RASGRP2: variants seen among roughly 807,000 people sequenced by gnomAD.
RASGRP2 encodes RAS guanyl releasing protein 2.
A neutral mutation model predicts 71.0 loss-of-function variants in RASGRP2; 44 were observed. That is an observed-to-expected ratio of 0.62 (90% CI 0.49 to 0.80). The LOEUF is 0.80. RASGRP2 is among the 30% of genes least tolerant of loss of function. RASGRP2 has a pLI of 0.00. For synonymous variants in RASGRP2, 350 were observed against 330.7 expected, an observed-to-expected ratio of 1.06 and a Z score of -0.63; for missense variants, 663 against 813.4, an observed-to-expected ratio of 0.82 and a Z score of 2.25.
At chr11:64,732,780 CAA>C (rs35422929) in intron 12 of RASGRP2, among the ~76,000 whole-genome samples, 1 of 129,398 alleles carries the variant, frequency 7.7e-6, no homozygotes, top group Non-Finnish European at 1.7e-5. Flanking sequence ...GACTCTGTCT[CAA>C]AAAAAAAAAA....
rs748370784 is a variant in RASGRP2, at chr11:64,742,083, G to C, written c.103C>G (p.Leu35Val). Reference protein sequence around the residue: ...DDSGKVRDPQLVRMFLMMHPW... With the variant: ...DDSGKVRDPQVVRMFLMMHPW... ...TGCATCATGAGGAACATGCGCACCA[G>C]CTGCGGGTCCCGCACCTTCCCGGAG... The change falls in exon 3 of 17, where the codon CTG (leucine) becomes GTG (valine). Residue 35 changes from leucine to valine, a missense_variant. By Grantham distance (32) the Leu-to-Val change is conservative. Transcript: ENST00000394432. This position sits in a 1 kb window ranked among gnomAD's most constrained non-coding sequence, Gnocchi z 4.7. The C allele has an allele frequency of 1.9e-6, 3 of 1,606,718 alleles. No homozygotes were observed. The highest frequency in any genetic ancestry group is 2.2e-5 in the South Asian group (2 of 89,856).
chr11:64,741,929 C>T lies in RASGRP2; in HGVS notation c.176+81G>A. 3 of 1,220,446 alleles carry T rather than the reference C, an allele frequency of 2.5e-6. No individual in the cohort carries two copies. In the South Asian group the frequency reaches 3.8e-5, roughly 16 times the overall value. The allele number at this position is 1,220,446 out of a possible 1,614,324, so 75.6% of individuals were successfully genotyped here. ...GAGTGGCCTATACTTAGGAGCGAGG[C>T]TCATTCTGCACCTGGGCTGGGCAGA... On this transcript the variant is annotated intron_variant, in intron 3 of 16. Transcript: ENST00000394432.
Position 64,742,974 on chromosome 11 carries a change from C to G in RASGRP2, c.-71-37G>C, listed in dbSNP as rs1333659467. The G allele has an allele frequency of 1.3e-5, 19 of 1,510,860 alleles. No homozygotes were observed. The highest frequency in any genetic ancestry group is 1.7e-5 in the Non-Finnish European group (19 of 1,134,284). 93.6% of individuals were successfully genotyped at this position (1,510,860 alleles called of 1,614,324 possible). On this transcript the variant is annotated intron_variant, in intron 1 of 16. Coordinates refer to ENST00000394432, the MANE Select transcript of RASGRP2 (RefSeq NM_001098671.2). This position sits in a 1 kb window ranked among gnomAD's most constrained non-coding sequence, Gnocchi z 4.7. ...GAGGCAGAGCGGGAGTCTGCGGAGT[C>G]GCGGGCGGGGGAGCGGCCCCGCGGG...
At chr11:64,738,324 T>C (rs1260884800) in intron 8 of RASGRP2, among the ~76,000 whole-genome samples, 1 of 152,246 alleles carries the variant, frequency 6.6e-6, no homozygotes, top group African/African-American at 2.4e-5. Flanking sequence ...GAGGGAGTTA[T>C]GCTCTAAAGT....
Position 64,742,137 on chromosome 11 carries a change from G to C in RASGRP2, c.74-25C>G. ...TCTGACTCCGAAGGGTCAAAGACAG[G>C]TGGCTGAGCTGGGTCCGCAGCTACC... is the stretch of plus-strand genomic sequence containing the variant. On this transcript the variant is annotated intron_variant, in intron 2 of 16. Coordinates refer to ENST00000394432, the MANE Select transcript of RASGRP2 (RefSeq NM_001098671.2). The surrounding 1 kb of genome is among the most constrained non-coding windows in gnomAD (Gnocchi z 4.7). 6.4e-7 allele frequency: 1 copy of C among 1,551,454 alleles called. No homozygotes were observed. Among genetic ancestry groups the C allele is most frequent in the Non-Finnish European group, 8.7e-7 (1 of 1,143,518 alleles).
chr11:64,736,636 T>C lies in RASGRP2; in HGVS notation c.1095+117A>G. On this transcript the variant is annotated intron_variant, in intron 9 of 16. Coordinates refer to ENST00000394432, the MANE Select transcript of RASGRP2 (RefSeq NM_001098671.2). ...CCACTCCAAACCCCAGAGCCCACGC[T>C]AGATCTCAGTTTCTTGGCCAGAACC... 5 of 1,180,000 alleles carry C rather than the reference T, an allele frequency of 4.2e-6. No homozygotes were observed. The Middle Eastern group carries it at 1.4e-3, about 327-fold the overall frequency. 73.1% of individuals were successfully genotyped at this position (1,180,000 alleles called of 1,614,324 possible). A position where few individuals can be genotyped will look rare whatever the true frequency, so the allele number is the denominator to read the frequency against.
In RASGRP2 at chr11:64,742,855, G is replaced by A; in HGVS notation, c.12C>T (p.Thr4=). 1 of 1,601,366 alleles carries A rather than the reference G, an allele frequency of 6.2e-7. No homozygotes were observed. Among genetic ancestry groups the A allele is most frequent in the Non-Finnish European group, 8.5e-7 (1 of 1,176,282 alleles). The change falls in exon 2 of 17, where the codon ACC becomes ACT. Residue 4 remains threonine (T), a synonymous_variant. Coordinates refer to ENST00000394432, the MANE Select transcript of RASGRP2 (RefSeq NM_001098671.2). The surrounding 1 kb of genome is among the most constrained non-coding windows in gnomAD (Gnocchi z 4.7). The part of the protein sequence containing the change: MAG[T]LDLDKGCTVE... ...CCGTGCAGCCCTTGTCCAGGTCCAG[G>A]GTGCCTGCCATGGCCGCCGGCGCGG... is the stretch of plus-strand genomic sequence containing the variant.
Position 64,743,028 on chromosome 11 carries a change from C to T in RASGRP2, c.-71-91G>A. The T allele has an allele frequency of 7.4e-7, 1 of 1,355,400 alleles. No individual in the cohort carries two copies. Among genetic ancestry groups the T allele is most frequent in the Non-Finnish European group, 1.0e-6 (1 of 987,424 alleles). 84.0% of individuals were successfully genotyped at this position (1,355,400 alleles called of 1,614,324 possible). A position where few individuals can be genotyped will look rare whatever the true frequency, so the allele number is the denominator to read the frequency against. On this transcript the variant is annotated intron_variant, in intron 1 of 16. Transcript: ENST00000394432. The surrounding 1 kb of genome is among the most constrained non-coding windows in gnomAD (Gnocchi z 4.9). Reference sequence around the variant, plus strand: ...AAACGGGGCGGGGCGGGCACGCCCCCTGCTGGACAGGGGCGGAGTTGTCCC... The same window carrying T: ...AAACGGGGCGGGGCGGGCACGCCCCTTGCTGGACAGGGGCGGAGTTGTCCC...
At chr11:64,730,312 T>G in intron 12 of RASGRP2, 118 bp from the exon 13 acceptor site, 2 of 1,341,382 alleles carry the variant, frequency 1.5e-6, no homozygotes. Context: ...GGACTCCTGT[T>G]GCAGAGTAAA....
intron 5 of RASGRP2, chr11:64,740,703 C>T: frequency 3.0e-6 from 2 of 660,502 alleles, no homozygotes; most frequent in South Asian, 1.7e-5. Context: ...AGAGCTCAGC[C>T]GACGGGGAGC....
Position 64,743,158 on chromosome 11 carries a change from G to T in RASGRP2, c.-71-221C>A. On this transcript the variant is annotated intron_variant, in intron 1 of 16. Coordinates refer to ENST00000394432, the MANE Select transcript of RASGRP2 (RefSeq NM_001098671.2). The surrounding 1 kb of genome is among the most constrained non-coding windows in gnomAD (Gnocchi z 4.9). ...TTCCGGCCCACCCTCGGAGTCGCGG[G>T]AAGGCCGAGGGGCTTCACGAGGATG... is the stretch of plus-strand genomic sequence containing the variant. 1 of 624,704 alleles carries T rather than the reference G, an allele frequency of 1.6e-6. No homozygotes were observed. The highest frequency in any genetic ancestry group is 3.0e-6 in the Non-Finnish European group (1 of 336,826). The allele number at this position is 624,704 out of a possible 1,614,324, so 38.7% of individuals were successfully genotyped here.
intron 15 of RASGRP2, among the ~76,000 whole-genome samples, chr11:64,727,824 A>C (rs562820512): frequency 3.9e-5 from 6 of 151,986 alleles, no homozygotes; most frequent in Non-Finnish European, 7.4e-5. Context: ...GCCTCAGCCC[A>C]ATTTTTGAGG....
In RASGRP2 at chr11:64,735,814, G is replaced by A. The variant is rs1016908159; in HGVS notation, c.1173+89C>T. On this transcript the variant is annotated intron_variant, in intron 10 of 16. Transcript: ENST00000394432. This position sits in a 1 kb window ranked among gnomAD's most constrained non-coding sequence, Gnocchi z 4.2. ...CCTCTGTCCTACAAGATGGATGGGT[G>A]AGGTGGCTGCTAAGAGCTCTTCCCA... 6.7e-7 allele frequency: 1 copy of A among 1,484,318 alleles called. No individual in the cohort carries two copies. The highest frequency in any genetic ancestry group is 9.2e-7 in the Non-Finnish European group (1 of 1,081,096). The allele number at this position is 1,484,318 out of a possible 1,614,324, so 91.9% of individuals were successfully genotyped here. A position where few individuals can be genotyped will look rare whatever the true frequency, so the allele number is the denominator to read the frequency against.
Position 64,742,890 on chromosome 11 carries a change from G to C in RASGRP2, c.-24C>G. On this transcript the variant is annotated 5_prime_UTR_variant, in exon 2 of 17. Coordinates refer to ENST00000394432, the MANE Select transcript of RASGRP2 (RefSeq NM_001098671.2). This position sits in a 1 kb window ranked among gnomAD's most constrained non-coding sequence, Gnocchi z 4.7. ...ATGGCCGCCGGCGCGGGGTGGGCTG[G>C]GCCCAGGCTGCGCTCCGGGAGCCTC... 1 of 1,568,436 alleles carries C rather than the reference G, an allele frequency of 6.4e-7. No individual in the cohort carries two copies. The highest frequency in any genetic ancestry group is 8.6e-7 in the Non-Finnish European group (1 of 1,161,364).
At chr11:64,744,905 C>G (rs1015237660), upstream of RASGRP2, 3 of 146,848 alleles carry the variant, frequency 2.0e-5, no homozygotes, top group South Asian at 3.8e-4. Context: ...GCCCCCTCCC[C>G]CCTCCGCCCC....
At position 64,730,106 on chromosome 11, in the gene RASGRP2, A is replaced by T. The variant is rs1422379151; in HGVS notation, c.1501T>A (p.Phe501Ile). 2 of 1,550,802 alleles carry T rather than the reference A, an allele frequency of 1.3e-6. No homozygotes were observed. The highest frequency in any genetic ancestry group is 1.7e-6 in the Non-Finnish European group (2 of 1,147,124). ...GGGCGCAAGGAGTTGCTCTCCTGGA[A>T]GTTGTGTACGAAGCCCATGCGCCCC... ...LGGRMGFVHN[F>I]QESNSLRPVA... Residue 501 changes from phenylalanine (F) to isoleucine (I), a missense_variant, in exon 13 of 17, where the codon TTC (phenylalanine) becomes ATC (isoleucine). Transcript: ENST00000394432.
intron 9 of RASGRP2, among the ~76,000 whole-genome samples, chr11:64,736,291 TC>T (rs2135760093): frequency 6.6e-6 from 1 of 152,188 alleles, no homozygotes; most frequent in South Asian, 2.1e-4. Flanking sequence ...CAGCTAAGAA[TC>T]CACTCCAAAC....
chr11:64,729,189 C>T (rs1438523375), intron 14 of RASGRP2, 147 bp from the exon 15 acceptor site: 2 of 820,494 alleles, frequency 2.4e-6, no homozygotes, highest in Admixed American at 2.0e-5. Flanking sequence ...AAGTGTTCTC[C>T]TCCTCCTAAT....
At chr11:64,731,731 A>C (rs1331847365) in intron 12 of RASGRP2, among the ~76,000 whole-genome samples, 1 of 152,222 alleles carries the variant, frequency 6.6e-6, no homozygotes, top group East Asian at 1.9e-4. Context: ...ATGCAAATTT[A>C]ACCAAGATAC....
Sources: gnomAD v4.1 joint callset for allele counts (sites outside exome capture counted in the v4.1 genomes callset) on GRCh38, gnomAD v4.1.1 for gene constraint, Gnocchi (gnomAD v3.1) non-coding constraint, MANE v1.5 for transcripts, NCBI Gene and HGNC (gene_info 2026-07-23, HGNC 2026-07-21) for gene names.